Variants in DPP9 observed in about 807,000 individuals in gnomAD.
DPP9 encodes dipeptidyl peptidase 9.
A neutral mutation model predicts 110.7 loss-of-function variants in DPP9; 50 were observed. The ratio of observed to expected loss-of-function variants is 0.45; its 90% confidence interval spans 0.36 to 0.57. The LOEUF (loss-of-function observed/expected upper bound fraction) is 0.57. DPP9 is among the 20% of genes least tolerant of loss of function. DPP9 has a pLI of 0.00. For synonymous variants in DPP9, 561 were observed against 514.4 expected (o/e 1.09, Z -1.23); for missense variants, 1,022 against 1,217.9 (o/e 0.84, Z 2.39).
intron 4 of DPP9, among the ~76,000 whole-genome samples, chr19:4,713,151 C>A (rs574414002): frequency 6.6e-6 from 1 of 152,210 alleles, no homozygotes; most frequent in Non-Finnish European, 1.5e-5. Context: ...GGCCGGACGG[C>A]CCCACCCCAG....
intron 4 of DPP9, among the ~76,000 whole-genome samples, chr19:4,713,438 C>A (rs2092926894): frequency 6.6e-6 from 1 of 152,214 alleles, no homozygotes; most frequent in South Asian, 2.1e-4. Context: ...GGAGCCCAGT[C>A]CCGTGAGGCA....
intron 2 of DPP9, among the ~76,000 whole-genome samples, chr19:4,721,798 A>G (rs2093335527): frequency 1.3e-5 from 2 of 152,184 alleles, no homozygotes; most frequent in Admixed American, 1.3e-4. Context: ...GAAGAGAGGG[A>G]AGCACATGGG....
At chr19:4,697,462 G>T in intron 11 of DPP9, 89 bp downstream of exon 11, 1 of 1,110,150 alleles carries the variant, frequency 9.0e-7, no homozygotes, top group Non-Finnish European at 1.3e-6. Flanking sequence ...GGAAGGAATG[G>T]CACGGAAGGC....
chr19:4,714,470 C>G, intron 3 of DPP9, 133 bp from the exon 4 acceptor site: 1 of 1,210,816 alleles, frequency 8.3e-7, no homozygotes, highest in Non-Finnish European at 1.1e-6. Context: ...ACTCCCTAAA[C>G]ACTTCTTGGG....
intron 3 of DPP9, chr19:4,719,448 C>T: frequency 5.5e-6 from 1 of 180,942 alleles, no homozygotes; most frequent in Non-Finnish European, 1.2e-5. Flanking sequence ...TCTCTTGGAG[C>T]CCAAAACCCA....
intron 4 of DPP9, among the ~76,000 whole-genome samples, chr19:4,707,760 G>C (rs181916718): frequency 2.6e-4 from 40 of 151,558 alleles, no homozygotes; most frequent in African/African-American, 8.2e-4. Context: ...AGAGTAGCTG[G>C]GATTACAGGC....
intron 14 of DPP9, among the ~76,000 whole-genome samples, chr19:4,690,142 C>G (rs2091181803): frequency 6.6e-6 from 1 of 152,234 alleles, no homozygotes; most frequent in African/African-American, 2.4e-5. Context: ...GTGGCAGGGC[C>G]CTACCTTCCT....
chr19:4,711,673 T>A (rs917808329), intron 4 of DPP9, among the ~76,000 whole-genome samples: 1 of 146,686 alleles, frequency 6.8e-6, no homozygotes. Context: ...CTCGGGAGGC[T>A]GAGGTAGGAG....
Position 4,704,329 on chromosome 19 carries a change from G to A in DPP9, c.427-25C>T, listed in dbSNP as rs1420461104. ...CCTGGAAACATACAGGGGACAGGGG[G>A]CAGCGTCAGTGGGCAAAGAGGATCT... On this transcript the variant is annotated intron_variant, in intron 5 of 21. Transcript: ENST00000262960. The surrounding 1 kb of genome is among the most constrained non-coding windows in gnomAD (Gnocchi z 6.0). 1.9e-6 allele frequency: 3 copies of A among 1,592,340 alleles called. No homozygotes were observed. The highest frequency in any genetic ancestry group is 2.7e-5 in the African/African-American group (2 of 74,592).
Position 4,702,619 on chromosome 19 carries a change from G to A in DPP9, c.867C>T (p.Pro289=). 6.2e-7 allele frequency: 1 copy of A among 1,600,514 alleles called. No individual in the cohort carries two copies. Among genetic ancestry groups the A allele is most frequent in the Non-Finnish European group, 8.5e-7 (1 of 1,173,838 alleles). ...GGGACCTACCTTCCCAGGAGGCTGT[G>A]GGGCACCACCAGTACCCAGTGAAGC... ...FDRFTGYWWC[P]TASWEGSEGL... is the part of the protein sequence containing the mutation. The change falls in exon 8 of 22, where the codon CCC becomes CCT. Residue 289 remains proline, a synonymous_variant. Transcript: ENST00000262960.
chr19:4,701,927 A>G (rs557043036), intron 9 of DPP9, 100 bp downstream of exon 9: 16 of 1,484,968 alleles, frequency 1.1e-5, no homozygotes, highest in South Asian at 1.3e-5. Flanking sequence ...CAGAGCACAC[A>G]CATGCAGCTC....
intron 11 of DPP9, among the ~76,000 whole-genome samples, chr19:4,697,077 C>T (rs1192959578): frequency 2.7e-5 from 4 of 150,932 alleles, no homozygotes; most frequent in Non-Finnish European, 4.4e-5. Flanking sequence ...CCAGCTTGGG[C>T]GACAGAGCGA....
intron 4 of DPP9, among the ~76,000 whole-genome samples, chr19:4,709,851 G>C (rs1319286670): frequency 1.3e-5 from 2 of 152,202 alleles, no homozygotes; most frequent in Admixed American, 6.5e-5. Context: ...GGCCTGGGCA[G>C]CTAGTCCACA....
chr19:4,718,349 C>G lies in DPP9; in HGVS notation c.56+1502G>C, dbSNP rs2093169584. Among the ~76,000 whole-genome samples, 2 of 152,172 alleles carry G rather than the reference C, an allele frequency of 1.3e-5. No homozygotes were observed. The highest frequency in any genetic ancestry group is 4.1e-4 in the South Asian group (2 of 4,828). On this transcript the variant is annotated intron_variant, in intron 3 of 21. Coordinates refer to ENST00000262960, the MANE Select transcript of DPP9 (RefSeq NM_139159.5). This position sits in a 1 kb window ranked among gnomAD's most constrained non-coding sequence, Gnocchi z 4.3. ...TGTAGATTCAGTGCTGACTGCAGTT[C>G]TGAGTTCAGGCCGACCACAAGGTGA...
intron 14 of DPP9, among the ~76,000 whole-genome samples, chr19:4,690,528 G>A (rs2091218838): frequency 6.6e-6 from 1 of 152,194 alleles, no homozygotes; most frequent in African/African-American, 2.4e-5. Flanking sequence ...CTGGACGCAT[G>A]GCCCCAGACG....
chr19:4,719,908 AACCGCTCAGCTG>A lies in DPP9; in HGVS notation c.-14_-3del. 6.4e-7 allele frequency: 1 copy of A among 1,551,666 alleles called. No individual in the cohort carries two copies. The highest frequency in any genetic ancestry group is 8.7e-7 in the Non-Finnish European group (1 of 1,146,974). On this transcript the variant is annotated 5_prime_UTR_variant, in exon 3 of 22. Coordinates refer to ENST00000262960, the MANE Select transcript of DPP9 (RefSeq NM_139159.5). ...GCGCAGTTTCTTAACCTTCCGCATT[AACCGCTCAGCTG>A]ACCTCAGGAGGGCAGGGGTGCCTGC...
chr19:4,707,614 CTTTT>C (rs906371157), intron 4 of DPP9, among the ~76,000 whole-genome samples: 6 of 78,432 alleles, frequency 7.6e-5, no homozygotes, highest in South Asian at 4.6e-4. Flanking sequence ...CTCATACTCG[CTTTT>C]TTTTTTTTTT....
At chr19:4,680,503 G>A (rs1777568559) in intron 20 of DPP9, among the ~76,000 whole-genome samples, 1 of 151,952 alleles carries the variant, frequency 6.6e-6, no homozygotes, top group Non-Finnish European at 1.5e-5. Flanking sequence ...ATTGAGTCCA[G>A]TTGTTTGAGA....
rs1014912497 is a variant in DPP9, at chr19:4,718,875, T to C, written c.56+976A>G. 6.6e-6 allele frequency among the ~76,000 whole-genome samples: 1 copy of C among 152,120 alleles called. No individual in the cohort carries two copies. The highest frequency in any genetic ancestry group is 2.4e-5 in the African/African-American group (1 of 41,414). On this transcript the variant is annotated intron_variant, in intron 3 of 21. Coordinates refer to ENST00000262960, the MANE Select transcript of DPP9 (RefSeq NM_139159.5). This position sits in a 1 kb window ranked among gnomAD's most constrained non-coding sequence, Gnocchi z 4.3. ...AACAAGCCTAAGAGTATTAGAAAAT[T>C]GAATACTGAGAAAGGTTCGCAGGGT...
Sources: gnomAD v4.1 joint callset for allele counts (sites outside exome capture counted in the v4.1 genomes callset) on GRCh38, gnomAD v4.1.1 for gene constraint, Gnocchi (gnomAD v3.1) non-coding constraint, MANE v1.5 for transcripts, NCBI Gene and HGNC (gene_info 2026-07-23, HGNC 2026-07-21) for gene names.